The following SAMD8 variants were observed in gnomAD, a reference collection of about 807,000 sequenced individuals.
SAMD8 encodes sphingomyelin synthase-related protein 1.
A neutral mutation model predicts 42.0 loss-of-function variants in SAMD8; 20 were observed. That is an observed-to-expected ratio of 0.48 (90% confidence interval 0.34 to 0.69). SAMD8 has a LOEUF of 0.69. SAMD8 is among the 30% of genes least tolerant of loss of function. The pLI is 0.01. For synonymous variants in SAMD8, 162 were observed against 173.0 expected (o/e 0.94, Z 0.50); for missense variants, 328 against 511.6 (o/e 0.64, Z 3.46).
intron 1 of SAMD8, among the ~76,000 whole-genome samples, chr10:75,148,881 CAT>C (rs1840213035): frequency 1.3e-5 from 2 of 152,036 alleles, no homozygotes; most frequent in African/African-American, 2.4e-5. Context: ...TTTAATCTAA[CAT>C]ATATAGAGAA....
chr10:75,118,185 C>A (rs909593310), intron 1 of SAMD8, among the ~76,000 whole-genome samples: 1 of 152,184 alleles, frequency 6.6e-6, no homozygotes, highest in African/African-American at 2.4e-5. Flanking sequence ...TTTAAAGATG[C>A]TGCCCTAAAT....
intron 1 of SAMD8, among the ~76,000 whole-genome samples, chr10:75,106,453 G>A (rs1308374497): frequency 6.6e-6 from 1 of 152,096 alleles, no homozygotes; most frequent in Non-Finnish European, 1.5e-5. Context: ...TCATCCACCA[G>A]GTTTTGGCTG....
intron 2 of SAMD8, among the ~76,000 whole-genome samples, chr10:75,153,045 G>A (rs893232544): frequency 6.6e-6 from 1 of 151,892 alleles, no homozygotes. Flanking sequence ...ACAATGGCAC[G>A]ATCTCAGCTC....
chr10:75,104,131 G>A, intron 1 of SAMD8: 1 of 1,305,888 alleles, frequency 7.7e-7, no homozygotes, highest in South Asian at 1.2e-5. Flanking sequence ...TTACAGGCAG[G>A]TGAACCAAGG....
At chr10:75,169,963 A>G (rs1840809454) in intron 4 of SAMD8, among the ~76,000 whole-genome samples, 2 of 152,186 alleles carry the variant, frequency 1.3e-5, no homozygotes, top group Admixed American at 6.5e-5. Flanking sequence ...CGACATACTC[A>G]GCACTCTAAA....
chr10:75,147,991 T>C (rs1039560087), intron 1 of SAMD8, among the ~76,000 whole-genome samples: 1 of 152,140 alleles, frequency 6.6e-6, no homozygotes, highest in Non-Finnish European at 1.5e-5. Flanking sequence ...TGCATAAGAA[T>C]TAGACAACTT....
At chr10:75,103,563 ATCT>A (rs1258415378) in intron 1 of SAMD8, among the ~76,000 whole-genome samples, 2 of 152,146 alleles carry the variant, frequency 1.3e-5, no homozygotes, top group Non-Finnish European at 2.9e-5. Flanking sequence ...CCTACTAGAA[ATCT>A]TCTCTGTCAT....
At chr10:75,104,206 G>C in intron 1 of SAMD8, 1 of 707,076 alleles carries the variant, frequency 1.4e-6, no homozygotes, top group East Asian at 6.6e-5. Flanking sequence ...CTTCTGCCTT[G>C]AGCCCTGTGC....
intron 1 of SAMD8, among the ~76,000 whole-genome samples, chr10:75,139,127 ATT>A (rs1294871934): frequency 2.1e-5 from 3 of 142,646 alleles, no homozygotes; most frequent in Non-Finnish European, 1.5e-5. Context: ...CGCCCGATTA[ATT>A]TTTTTTTTTT....
chr10:75,136,652 T>G (rs1650966137), intron 1 of SAMD8, among the ~76,000 whole-genome samples: 1 of 152,196 alleles, frequency 6.6e-6, no homozygotes, highest in African/African-American at 2.4e-5. Context: ...GTCAGAGGAA[T>G]GCTACCTTTG....
chr10:75,111,893 C>T (rs962037508), intron 1 of SAMD8, 171 bp downstream of exon 1: 2 of 814,926 alleles, frequency 2.5e-6, no homozygotes, highest in African/African-American at 3.5e-5. Flanking sequence ...GAATCTGAAG[C>T]AAATGGAGGT....
chr10:75,147,836 TATATG>T (rs1423620748), intron 1 of SAMD8, among the ~76,000 whole-genome samples: 12 of 152,172 alleles, frequency 7.9e-5, no homozygotes, highest in African/African-American at 2.9e-4. Context: ...TGGAATTGTA[TATATG>T]ATATAATAAA....
intron 2 of SAMD8, among the ~76,000 whole-genome samples, chr10:75,157,325 C>T (rs566214204): frequency 6.6e-6 from 1 of 151,988 alleles, no homozygotes; most frequent in East Asian, 1.9e-4. Context: ...ATAAGAATGA[C>T]TCAATGTAGG....
chr10:75,117,033 A>G (rs1589931397), intron 1 of SAMD8, among the ~76,000 whole-genome samples: 2 of 146,012 alleles, frequency 1.4e-5, no homozygotes, highest in African/African-American at 5.0e-5. Flanking sequence ...CTGGTTTTGA[A>G]CTCCTCGGCT....
At position 75,150,562 on chromosome 10, in the gene SAMD8, T is replaced by A. The variant is rs758968596; in HGVS notation, c.34T>A (p.Trp12Arg). ...TCCTAATCAACTCTGCATTCGCCGC[T>A]GGACTACCAAGCATGTAGCTGTGTG... ...AGPNQLCIRRWTTKHVAVWLK... is the reference protein window; with the variant it reads ...AGPNQLCIRRRTTKHVAVWLK... Residue 12 changes from tryptophan to arginine, a missense_variant, in exon 2 of 6, where the codon TGG becomes AGG. Physicochemically the swap from Trp to Arg is moderately radical, Grantham distance 101 (BLOSUM62 -3). Around this residue, in one of 2 missense-constraint regions of SAMD8, gnomAD observed 150 missense variants for 186.0 expected, o/e 0.81. Coordinates refer to ENST00000542569, the MANE Select transcript of SAMD8 (RefSeq NM_001174156.2). 6.2e-7 allele frequency: 1 copy of A among 1,614,012 alleles called. No individual in the cohort carries two copies. Among genetic ancestry groups the A allele is most frequent in the Non-Finnish European group, 8.5e-7 (1 of 1,180,012 alleles).
chr10:75,109,811 G>GTTTTGTTTTGTTT (rs2134405767), upstream of SAMD8, among the ~76,000 whole-genome samples: 1 of 77,810 alleles, frequency 1.3e-5, no homozygotes, highest in East Asian at 7.8e-4. Flanking sequence ...GAGGGGGAAG[G>GTTTTGTTTTGTTT]TGTTTTTTTT....
chr10:75,126,612 C>T (rs1442510668), intron 1 of SAMD8, among the ~76,000 whole-genome samples: 1 of 151,280 alleles, frequency 6.6e-6, no homozygotes, highest in African/African-American at 2.4e-5. Context: ...AGTGGTCTTC[C>T]CACCTTGGCC....
intron 2 of SAMD8, among the ~76,000 whole-genome samples, chr10:75,152,318 C>G (rs1300482125): frequency 6.8e-6 from 1 of 146,646 alleles, no homozygotes; most frequent in African/African-American, 2.5e-5. Flanking sequence ...GTCAGGAGAT[C>G]GAGACCATCC....
intron 2 of SAMD8, among the ~76,000 whole-genome samples, chr10:75,158,828 C>G (rs571176649): frequency 3.3e-5 from 5 of 152,230 alleles, no homozygotes; most frequent in Admixed American, 1.3e-4. Flanking sequence ...AATATCGGGT[C>G]TTTTTGTGTC....
Sources: gnomAD v4.1 joint callset for allele counts (sites outside exome capture counted in the v4.1 genomes callset) on GRCh38, gnomAD v4.1.1 for gene constraint, gnomAD v4.1.1 regional missense constraint, MANE v1.5 for transcripts, NCBI Gene and HGNC (gene_info 2026-07-23, HGNC 2026-07-21) for gene names.